The following RSF1 variants were observed in gnomAD, a reference collection of about 807,000 sequenced individuals.
RSF1 encodes remodeling and spacing factor 1, also known as HBV pX-associated protein 8.
Under a neutral mutation model 145.2 loss-of-function variants are expected in RSF1, and 13 were observed. The ratio of observed to expected loss-of-function variants is 0.09; its 90% CI spans 0.06 to 0.14. RSF1 has a LOEUF of 0.14. Ranked by LOEUF, RSF1 falls within the 10% of genes least tolerant of loss-of-function variation. The probability of loss-of-function intolerance (pLI) is 1.00; values close to 1 mark genes in which losing one functional copy is unlikely to be tolerated. For missense variants in RSF1, 1,517 were observed against 1,718.2 expected, an observed-to-expected ratio of 0.88 and a Z score of 2.07; for synonymous variants, 577 against 592.6, an observed-to-expected ratio of 0.97 and a Z score of 0.38.
intron 13 of RSF1, among the ~76,000 whole-genome samples, 166 bp from the exon 14 acceptor site, chr11:77,675,422 T>C (rs1358424910): frequency 6.6e-6 from 1 of 152,246 alleles, no homozygotes; most frequent in African/African-American, 2.4e-5. Flanking sequence ...GAAAATGTTT[T>C]GCCACCTATC....
At chr11:77,730,794 G>A (rs1270246349) in intron 4 of RSF1, among the ~76,000 whole-genome samples, 3 of 152,120 alleles carry the variant, frequency 2.0e-5, no homozygotes, top group African/African-American at 7.2e-5. Context: ...TTCTTTTCCT[G>A]CCGCCATTGA....
At chr11:77,747,379 C>G (rs1435042183) in intron 2 of RSF1, among the ~76,000 whole-genome samples, 1 of 152,194 alleles carries the variant, frequency 6.6e-6, no homozygotes, top group Admixed American at 6.5e-5. Flanking sequence ...GAACTTTATA[C>G]ATACTTTATA....
At chr11:77,674,787 G>A (rs1307592920) in intron 14 of RSF1, among the ~76,000 whole-genome samples, 1 of 152,076 alleles carries the variant, frequency 6.6e-6, no homozygotes, top group Non-Finnish European at 1.5e-5. Flanking sequence ...ATCACCTGAG[G>A]TCGGGAGTTT....
intron 1 of RSF1, among the ~76,000 whole-genome samples, chr11:77,812,751 G>A (rs149331797): frequency 0.02 from 3,090 of 152,034 alleles, 95 homozygotes; most frequent in African/African-American, 0.07. Flanking sequence ...TTAGCTGGGC[G>A]TGGTGGCGGG....
intron 5 of RSF1, among the ~76,000 whole-genome samples, chr11:77,723,483 T>A (rs2135883811): frequency 6.6e-6 from 1 of 152,248 alleles, no homozygotes; most frequent in East Asian, 1.9e-4. Context: ...AAAAAGGCTT[T>A]CCTAAAGTAG....
At chr11:77,684,940 T>C (rs922474003) in intron 10 of RSF1, among the ~76,000 whole-genome samples, 165 bp downstream of exon 10, 1 of 151,996 alleles carries the variant, frequency 6.6e-6, no homozygotes, top group Non-Finnish European at 1.5e-5. Context: ...TGAGCAGAGA[T>C]TGCGCCATTG....
Position 77,667,249 on chromosome 11 carries a change from A to G in RSF1, c.3994T>C (p.Ser1332Pro), listed in dbSNP as rs773745040. ...GGCTTCTTGGTGCTCTCTTGTTCTG[A>G]GGGCAGGACCCTAGGCTGGCTGTCA... is the stretch of plus-strand genomic sequence containing the variant. ...ARDSQPRVLP[S>P]EQESTKKPYR... The change falls in exon 16 of 16, where the codon TCA (serine) becomes CCA (proline). Residue 1332 changes from serine (S) to proline (P), a missense_variant. Around this residue, in one of 12 missense-constraint regions of RSF1, gnomAD observed 240 missense variants for 231.8 expected, o/e 1.04. Transcript: ENST00000308488. The G allele has an allele frequency of 1.9e-6, 3 of 1,614,004 alleles. No individual in the cohort carries two copies. The highest frequency in any genetic ancestry group is 2.5e-6 in the Non-Finnish European group (3 of 1,180,032).
the RSF1 span, among the ~76,000 whole-genome samples, chr11:77,852,224 C>CAAA: frequency 2.7e-4 from 9 of 33,494 alleles, no homozygotes; most frequent in African/African-American, 3.5e-4. Context: ...GACACTGTCT[C>CAAA]AAAAAAAAAA....
intron 5 of RSF1, among the ~76,000 whole-genome samples, chr11:77,709,643 C>G (rs1960632527): frequency 1.3e-5 from 2 of 152,110 alleles, no homozygotes; most frequent in Admixed American, 1.3e-4. Flanking sequence ...TTTATGCAAG[C>G]TGCCTGCACC....
upstream of RSF1, among the ~76,000 whole-genome samples, chr11:77,823,927 A>T (rs530721051): frequency 3.3e-5 from 5 of 152,276 alleles, no homozygotes. Flanking sequence ...AAAAAAAAAA[A>T]AAAGCTTTAT....
chr11:77,814,521 C>G (rs1013731666), intron 1 of RSF1, among the ~76,000 whole-genome samples: 8 of 152,140 alleles, frequency 5.3e-5, no homozygotes, highest in Admixed American at 1.3e-4. Context: ...TCTTGGCTCA[C>G]TGCAACCTCT....
intron 5 of RSF1, among the ~76,000 whole-genome samples, chr11:77,720,184 G>A (rs572541): frequency 0.2 from 30,608 of 152,090 alleles, 3,210 homozygotes; most frequent in East Asian, 0.37. Context: ...AGGTCTGTGA[G>A]CTGCCAGTCT....
chr11:77,805,298 G>A (rs1398261806), intron 1 of RSF1, among the ~76,000 whole-genome samples: 1 of 152,012 alleles, frequency 6.6e-6, no homozygotes, highest in Non-Finnish European at 1.5e-5. Context: ...GTGAAACCCT[G>A]TCTCTACTAA....
intron 5 of RSF1, among the ~76,000 whole-genome samples, chr11:77,724,176 T>C (rs1272021490): frequency 6.6e-6 from 1 of 152,148 alleles, no homozygotes; most frequent in Non-Finnish European, 1.5e-5. Flanking sequence ...TCACTTGTCA[T>C]TAGGAACTAA....
chr11:77,871,972 A>G, the RSF1 span, among the ~76,000 whole-genome samples: 1 of 152,222 alleles, frequency 6.6e-6, no homozygotes. Flanking sequence ...AGCTTTATGC[A>G]TGGGTATTAT....
intron 5 of RSF1, among the ~76,000 whole-genome samples, chr11:77,721,318 G>A (rs1960935550): frequency 6.6e-6 from 1 of 152,126 alleles, no homozygotes; most frequent in Non-Finnish European, 1.5e-5. Flanking sequence ...GGTAATGTTT[G>A]TTTACATCCG....
Position 77,810,498 on chromosome 11 carries a change from T to C in RSF1, c.187+10030A>G, listed in dbSNP as rs149229714. Among the ~76,000 whole-genome samples, 446 of 152,368 alleles carry C rather than the reference T, an allele frequency of 2.9e-3. 1 individual carries two copies. Among genetic ancestry groups the C allele is most frequent in the Middle Eastern group, 0.02 (6 of 294 alleles). On this transcript the variant is annotated intron_variant, in intron 1 of 15. Coordinates refer to ENST00000308488, the MANE Select transcript of RSF1 (RefSeq NM_016578.4). The stretch of plus-strand genomic sequence containing the variant: ...AATACTGGGGAGACTACTGTTCCAC[T>C]AAGTTTCATTCACAGGACATTCTAG...
chr11:77,719,674 C>A (rs1423220479), intron 5 of RSF1, among the ~76,000 whole-genome samples: 1 of 151,996 alleles, frequency 6.6e-6, no homozygotes, highest in African/African-American at 2.4e-5. Flanking sequence ...ATTATCTATA[C>A]CAAAAGGTGG....
intron 15 of RSF1, 91 bp from the exon 16 acceptor site, chr11:77,667,582 G>C: frequency 3.4e-6 from 4 of 1,169,950 alleles, no homozygotes; most frequent in Non-Finnish European, 4.8e-6. Context: ...CCCACGTCCT[G>C]CTTTCAGAAT....
Sources: allele counts gnomAD v4.1 joint callset (sites outside exome capture counted in the v4.1 genomes callset), GRCh38; gene constraint gnomAD v4.1.1; regional missense constraint gnomAD v4.1.1; transcripts MANE v1.5; gene names NCBI Gene and HGNC (gene_info 2026-07-23, HGNC 2026-07-21).